The following MAP3K4 variants were observed in gnomAD, a reference collection of about 807,000 sequenced individuals.
MAP3K4 encodes MAP three kinase 1.
A neutral mutation model predicts 185.6 loss-of-function variants in MAP3K4; 67 were observed. That is an observed-to-expected ratio of 0.36 (90% CI 0.30 to 0.44). MAP3K4 has a LOEUF of 0.44. MAP3K4 is among the 20% of genes least tolerant of loss of function. The pLI, the probability that MAP3K4 is intolerant of heterozygous loss-of-function variation, is 1.00. For missense variants in MAP3K4, 1,551 were observed against 1,995.1 expected (o/e 0.78, Z 4.24); for synonymous variants, 702 against 710.4 (o/e 0.99, Z 0.19).
intron 3 of MAP3K4, among the ~76,000 whole-genome samples, chr6:161,059,204 C>T (rs1001417006): frequency 2.6e-5 from 4 of 151,976 alleles, no homozygotes; most frequent in Admixed American, 6.5e-5. Flanking sequence ...GGCACAGTCT[C>T]GGCTTATGGC....
intron 3 of MAP3K4, among the ~76,000 whole-genome samples, chr6:161,052,216 C>T (rs530041325): frequency 9.6e-5 from 12 of 125,496 alleles, no homozygotes; most frequent in Non-Finnish European, 1.9e-4. Flanking sequence ...TGGTGATTAA[C>T]TATTGCTACT....
At position 160,996,197 on chromosome 6, in the gene MAP3K4, T is replaced by C. The variant is rs1200713163; in HGVS notation, c.152+4114T>C. Among the ~76,000 whole-genome samples, 3 of 152,202 alleles carry C rather than the reference T, an allele frequency of 2.0e-5. No homozygotes were observed. The highest frequency in any genetic ancestry group is 2.9e-5 in the Non-Finnish European group (2 of 68,040). On this transcript the variant is annotated intron_variant, in intron 1 of 26. Transcript: ENST00000392142. The surrounding 1 kb of genome is among the most constrained non-coding windows in gnomAD (Gnocchi z 4.5). ...GTTGGTGTAGCATCAGTGATGGTCA[T>C]GCCTTTACACCACTGTAACAGTAGA...
At chr6:161,102,513 C>T (rs1777880947) in intron 18 of MAP3K4, among the ~76,000 whole-genome samples, 186 bp from the exon 19 acceptor site, 1 of 152,162 alleles carries the variant, frequency 6.6e-6, no homozygotes, top group Non-Finnish European at 1.5e-5. Flanking sequence ...CCATTAACTT[C>T]TTAGTTGGTG....
chr6:161,110,061 T>G lies in MAP3K4; in HGVS notation c.4396+147T>G. Reference sequence around the variant, plus strand: ...TTGAAATACGCCTCTATAAGGATCCTGTATTCAGAAACAAGGTAGAACTCA... The same window carrying G: ...TTGAAATACGCCTCTATAAGGATCCGGTATTCAGAAACAAGGTAGAACTCA... On this transcript the variant is annotated intron_variant, in intron 23 of 26. Coordinates refer to ENST00000392142, the MANE Select transcript of MAP3K4 (RefSeq NM_005922.4). This position sits in a 1 kb window ranked among gnomAD's most constrained non-coding sequence, Gnocchi z 4.8. The G allele has an allele frequency of 1.2e-6, 1 of 806,542 alleles. No homozygotes were observed. Among genetic ancestry groups the G allele is most frequent in the South Asian group, 1.8e-5 (1 of 56,976 alleles). The allele number at this position is 806,542 out of a possible 1,614,324, so 50.0% of individuals were successfully genotyped here. A position where few individuals can be genotyped will look rare whatever the true frequency, so the allele number is the denominator to read the frequency against.
At position 161,106,533 on chromosome 6, in the gene MAP3K4, A is replaced by G; in HGVS notation, c.3876A>G (p.Gly1292=). The G allele has an allele frequency of 6.2e-7, 1 of 1,610,520 alleles. No individual in the cohort carries two copies. ...CTGCAGATACTGCTTCTAAACTAGG[A>G]CCCATAGAAGCTATCCAGAAGTCAG... The part of the protein sequence containing the change: ...SQSKDTASKL[G]PIEAIQKSVR... Residue 1292 remains glycine (G), a synonymous_variant, in exon 20 of 27, where the codon GGA becomes GGG. Coordinates refer to ENST00000392142, the MANE Select transcript of MAP3K4 (RefSeq NM_005922.4). The surrounding 1 kb of genome is among the most constrained non-coding windows in gnomAD (Gnocchi z 4.9).
rs1185685742 is a variant in MAP3K4, at chr6:161,074,543, CAG to C, written c.2097+935_2097+936del. Among the ~76,000 whole-genome samples the C allele has an allele frequency of 6.6e-6, 1 of 152,216 alleles. No homozygotes were observed. The highest frequency in any genetic ancestry group is 6.5e-5 in the Admixed American group (1 of 15,284). On this transcript the variant is annotated intron_variant, in intron 5 of 26. Transcript: ENST00000392142. The surrounding 1 kb of genome is among the most constrained non-coding windows in gnomAD (Gnocchi z 5.0). ...AGAACTATATGGTTTAACATTTAAA[CAG>C]AGACTCTTTTCTCAGGTTGCCCTAA...
chr6:161,096,410 A>G lies in MAP3K4; in HGVS notation c.3428-670A>G, dbSNP rs1777575536. Among the ~76,000 whole-genome samples, 1 of 152,218 alleles carries G rather than the reference A, an allele frequency of 6.6e-6. No individual in the cohort carries two copies. Among genetic ancestry groups the G allele is most frequent in the Non-Finnish European group, 1.5e-5 (1 of 68,030 alleles). On this transcript the variant is annotated intron_variant, in intron 15 of 26. Transcript: ENST00000392142. The surrounding 1 kb of genome is among the most constrained non-coding windows in gnomAD (Gnocchi z 4.9). ...GCATGTTACGGAGAGTAGGCAAAAT[A>G]TGACGCATGTCCACTAATACTGACA...
intron 19 of MAP3K4, 143 bp downstream of exon 19, chr6:161,102,922 G>A: frequency 1.7e-6 from 1 of 584,702 alleles, no homozygotes; most frequent in East Asian, 2.9e-5. Context: ...TCACAGCTCT[G>A]ACATCACTTT....
Position 161,034,448 on chromosome 6 carries a change from A to C in MAP3K4, c.342A>C (p.Lys114Asn). 1 of 1,613,540 alleles carries C rather than the reference A, an allele frequency of 6.2e-7. No homozygotes were observed. Among genetic ancestry groups the C allele is most frequent in the Non-Finnish European group, 8.5e-7 (1 of 1,179,584 alleles). ...VGRPASRSNL[K>N]EKMNAPNQPP... is the part of the protein sequence containing the mutation. ...GGCCAGCCAGTCGGTCTAATTTGAAAGGTGAGTCTTGTACTTGAAAAGAGG... is the reference window on the plus strand; with the variant it reads ...GGCCAGCCAGTCGGTCTAATTTGAACGGTGAGTCTTGTACTTGAAAAGAGG... Residue 114 changes from lysine to asparagine, a missense_variant and splice_region_variant, in exon 2 of 27, where the codon AAA becomes AAC. Physicochemically the swap from Lys to Asn is moderately conservative, Grantham distance 94 (BLOSUM62 0). Around this residue, in one of 16 missense-constraint regions of MAP3K4, gnomAD observed 287 missense variants for 268.8 expected, o/e 1.07. Coordinates refer to ENST00000392142, the MANE Select transcript of MAP3K4 (RefSeq NM_005922.4). This position sits in a 1 kb window ranked among gnomAD's most constrained non-coding sequence, Gnocchi z 4.4.
In MAP3K4 at chr6:161,110,721, G is replaced by GCATT. The variant is rs1778307736; in HGVS notation, c.4396+808_4396+811dup. 6.6e-6 allele frequency among the ~76,000 whole-genome samples: 1 copy of GCATT among 152,294 alleles called. No homozygotes were observed. On this transcript the variant is annotated intron_variant, in intron 23 of 26. Transcript: ENST00000392142. The surrounding 1 kb of genome is among the most constrained non-coding windows in gnomAD (Gnocchi z 4.8). ...CCAGTCTGCTTTGGTCTGGGTGTAA[G>GCATT]CATTGTTCGTGCTCTGTAATGTGGC...
Position 161,101,840 on chromosome 6 carries a change from C to T in MAP3K4, c.3675-52C>T. The T allele has an allele frequency of 6.8e-7, 1 of 1,471,186 alleles. No individual in the cohort carries two copies. Among genetic ancestry groups the T allele is most frequent in the Non-Finnish European group, 9.5e-7 (1 of 1,056,828 alleles). 91.1% of individuals were successfully genotyped at this position (1,471,186 alleles called of 1,614,324 possible). Reference sequence around the variant, plus strand: ...CTCTAGAAAAATCTCGCAGATCTTTCATTTTAAGTTCTATTGAATTGATAG... The same window carrying T: ...CTCTAGAAAAATCTCGCAGATCTTTTATTTTAAGTTCTATTGAATTGATAG... On this transcript the variant is annotated intron_variant, in intron 17 of 26. Coordinates refer to ENST00000392142, the MANE Select transcript of MAP3K4 (RefSeq NM_005922.4). This position sits in a 1 kb window ranked among gnomAD's most constrained non-coding sequence, Gnocchi z 5.1.
Position 161,080,198 on chromosome 6 carries a change from A to G in MAP3K4, c.2098-683A>G, listed in dbSNP as rs1217502919. Among the ~76,000 whole-genome samples the G allele has an allele frequency of 6.6e-6, 1 of 152,208 alleles. No homozygotes were observed. The highest frequency in any genetic ancestry group is 2.4e-5 in the African/African-American group (1 of 41,464). ...GCTATTCTTTTAAGTAAAGGAGTCC[A>G]TAGACAGGGTTGTTCTAGAAGGTGG... On this transcript the variant is annotated intron_variant, in intron 5 of 26. Transcript: ENST00000392142. This position sits in a 1 kb window ranked among gnomAD's most constrained non-coding sequence, Gnocchi z 4.8.
chr6:161,004,494 C>CT (rs1562475000), intron 1 of MAP3K4, among the ~76,000 whole-genome samples: 1 of 152,152 alleles, frequency 6.6e-6, no homozygotes, highest in South Asian at 2.1e-4. Flanking sequence ...TCTAGCACTT[C>CT]TTTTTTTAAA....
chr6:161,056,932 A>C lies in MAP3K4; in HGVS notation c.1707+6953A>C, dbSNP rs1201933808. ...GGGTTTTGTGCAATTTAAAATGTTA[A>C]ATACAAAATACTGTAATATGGTTAT... On this transcript the variant is annotated intron_variant, in intron 3 of 26. Coordinates refer to ENST00000392142, the MANE Select transcript of MAP3K4 (RefSeq NM_005922.4). This position sits in a 1 kb window ranked among gnomAD's most constrained non-coding sequence, Gnocchi z 5.4. Among the ~76,000 whole-genome samples the C allele has an allele frequency of 6.6e-6, 1 of 152,212 alleles. No homozygotes were observed. The highest frequency in any genetic ancestry group is 2.1e-4 in the South Asian group (1 of 4,828).
Position 161,061,613 on chromosome 6 carries a change from T to G in MAP3K4, c.1708-8995T>G, listed in dbSNP as rs894647511. Among the ~76,000 whole-genome samples, 1 of 152,230 alleles carries G rather than the reference T, an allele frequency of 6.6e-6. No individual in the cohort carries two copies. Among genetic ancestry groups the G allele is most frequent in the Non-Finnish European group, 1.5e-5 (1 of 68,040 alleles). ...AGTCCTGTACCCTTTAGCTGTCACCTCCACAATTCCTGTGCTCACTAGCCC... is the reference window on the plus strand; with the variant it reads ...AGTCCTGTACCCTTTAGCTGTCACCGCCACAATTCCTGTGCTCACTAGCCC... On this transcript the variant is annotated intron_variant, in intron 3 of 26. Coordinates refer to ENST00000392142, the MANE Select transcript of MAP3K4 (RefSeq NM_005922.4). The surrounding 1 kb of genome is among the most constrained non-coding windows in gnomAD (Gnocchi z 4.2).
rs528304357 is a variant in MAP3K4, at chr6:161,115,437, C to G, written c.4806+135C>G. 1 of 847,842 alleles carries G rather than the reference C, an allele frequency of 1.2e-6. No individual in the cohort carries two copies. The highest frequency in any genetic ancestry group is 2.7e-5 in the East Asian group (1 of 37,160). The allele number at this position is 847,842 out of a possible 1,614,324, so 52.5% of individuals were successfully genotyped here. The stretch of plus-strand genomic sequence containing the variant: ...AAAGGAACTAAATGTATTATTATGC[C>G]AGGGATTTTTGTATGTGTTTTTTCA... On this transcript the variant is annotated intron_variant, in intron 26 of 26. Transcript: ENST00000392142. The surrounding 1 kb of genome is among the most constrained non-coding windows in gnomAD (Gnocchi z 6.0).
At chr6:161,025,813 T>G (rs1782621665) in intron 1 of MAP3K4, among the ~76,000 whole-genome samples, 1 of 152,228 alleles carries the variant, frequency 6.6e-6, no homozygotes, top group South Asian at 2.1e-4. Context: ...TGTTTCTCTG[T>G]AAACTCTTTT....
rs576274312 is a variant in MAP3K4, at chr6:161,091,799, A to G, written c.3136-211A>G. 6.6e-6 allele frequency among the ~76,000 whole-genome samples: 1 copy of G among 152,346 alleles called. No individual in the cohort carries two copies. The highest frequency in any genetic ancestry group is 1.9e-4 in the East Asian group (1 of 5,184). On this transcript the variant is annotated intron_variant, in intron 12 of 26. Coordinates refer to ENST00000392142, the MANE Select transcript of MAP3K4 (RefSeq NM_005922.4). The surrounding 1 kb of genome is among the most constrained non-coding windows in gnomAD (Gnocchi z 5.5). The stretch of plus-strand genomic sequence containing the variant: ...GAGATGTTTTATGTCATAAAAGCAC[A>G]TTCTTAATTTAAACTCAGGAGTAAA...
rs1785133149 is a variant in MAP3K4 at position 161,075,550 on chromosome 6, C to G, written c.2097+1938C>G. Among the ~76,000 whole-genome samples, 2 of 152,220 alleles carry G rather than the reference C, an allele frequency of 1.3e-5. No homozygotes were observed. The highest frequency in any genetic ancestry group is 6.5e-5 in the Admixed American group (1 of 15,286). On this transcript the variant is annotated intron_variant, in intron 5 of 26. Coordinates refer to ENST00000392142, the MANE Select transcript of MAP3K4 (RefSeq NM_005922.4). The surrounding 1 kb of genome is among the most constrained non-coding windows in gnomAD (Gnocchi z 4.3). The stretch of plus-strand genomic sequence containing the variant: ...ATTATTTTTCTCTCTTTATGGGTAA[C>G]TAAACCAGAAGTTTAAGAAGACAGA...
Sources: allele counts gnomAD v4.1 joint callset (sites outside exome capture counted in the v4.1 genomes callset), GRCh38; gene constraint gnomAD v4.1.1; regional missense constraint gnomAD v4.1.1; non-coding constraint Gnocchi (gnomAD v3.1); transcripts MANE v1.5; gene names NCBI Gene and HGNC (gene_info 2026-07-23, HGNC 2026-07-21).